ZFP64: variants seen among roughly 807,000 people sequenced by gnomAD.
The protein encoded by ZFP64 is zinc finger protein 64.
In ZFP64, 14 loss-of-function variants were observed where a neutral mutation model predicts 51.6. The observed-to-expected ratio is 0.27, with a 90% CI of 0.18 to 0.42. The LOEUF is 0.42. Ranked by LOEUF, ZFP64 falls within the 10% of genes least tolerant of loss-of-function variation. The pLI is 1.00. For missense variants in ZFP64, 754 were observed against 906.8 expected (o/e 0.83, Z 2.16); for synonymous variants, 375 against 361.4 (o/e 1.04, Z -0.43).
chr20:52,191,577 GGA>G lies in ZFP64; in HGVS notation c.46+12_46+13del. On this transcript the variant is annotated intron_variant, in intron 1 of 5. Coordinates refer to ENST00000216923, the MANE Select transcript of ZFP64 (RefSeq NM_018197.3). This position sits in a 1 kb window ranked among gnomAD's most constrained non-coding sequence, Gnocchi z 4.3. Reference sequence around the variant, plus strand: ...GGGCCCCGGAGCGCGCACTGCTCCCGGAAAAGCACTTACTTTGCACCGAGCCC... The same window carrying G: ...GGGCCCCGGAGCGCGCACTGCTCCCGAAAGCACTTACTTTGCACCGAGCCC... 6.4e-7 allele frequency: 1 copy of G among 1,574,134 alleles called. No homozygotes were observed. The highest frequency in any genetic ancestry group is 8.6e-7 in the Non-Finnish European group (1 of 1,164,174).
intron 5 of ZFP64, among the ~76,000 whole-genome samples, chr20:52,130,119 C>T (rs927821443): frequency 3.9e-5 from 6 of 152,140 alleles, no homozygotes; most frequent in Non-Finnish European, 8.8e-5. Flanking sequence ...TACTCTGACC[C>T]GCAGGCTCCT....
At chr20:52,158,940 G>A (rs898751352) in intron 5 of ZFP64, among the ~76,000 whole-genome samples, 2 of 152,318 alleles carry the variant, frequency 1.3e-5, no homozygotes, top group East Asian at 3.9e-4. Context: ...CCATCCTCAT[G>A]AGAAGGACAA....
rs945272611 is a variant in ZFP64, at chr20:52,122,434, A to G, written c.764-23847T>C. Among the ~76,000 whole-genome samples the G allele has an allele frequency of 6.1e-4, 87 of 141,538 alleles. 1 individual carries two copies. Among genetic ancestry groups the G allele is most frequent in the African/African-American group, 2.2e-3 (83 of 37,678 alleles). The allele number at this position is 141,538 out of a possible 152,430, so 92.9% of individuals were successfully genotyped here. A position where few individuals can be genotyped will look rare whatever the true frequency, so the allele number is the denominator to read the frequency against. ...GGCAGGAGAATGGCGTGAACCCGGG[A>G]GGTGGAGCTTGCAGTGAGCCGAGAT... On this transcript the variant is annotated intron_variant, in intron 5 of 8. Coordinates refer to the ZFP64 transcript ENST00000361387.
intron 2 of ZFP64, among the ~76,000 whole-genome samples, chr20:52,170,561 T>C (rs183264545): frequency 6.6e-5 from 10 of 152,350 alleles, no homozygotes; most frequent in African/African-American, 2.4e-4. Flanking sequence ...CCAAAGTAGA[T>C]GGCTATAGAC....
At position 52,152,338 on chromosome 20, in the gene ZFP64, G is replaced by GT; in HGVS notation, c.1853dup (p.Asn618LysfsTer78). 1 of 1,614,154 alleles carries GT rather than the reference G, an allele frequency of 6.2e-7. No homozygotes were observed. Among genetic ancestry groups the GT allele is most frequent in the Non-Finnish European group, 8.5e-7 (1 of 1,180,026 alleles). On this transcript the variant is annotated frameshift_variant, in exon 6 of 6. Coordinates refer to ENST00000216923, the MANE Select transcript of ZFP64 (RefSeq NM_018197.3). LOFTEE classifies it high-confidence loss of function. ...CTGCTGTCCCCTCCTGAATCAAGGC[G>GT]TTTAGGCCTTCAAAGTCAGTGCAAG...
chr20:52,119,576 A>AACACACACACACACATACATACATACAC (rs1979071827), intron 5 of ZFP64, among the ~76,000 whole-genome samples: 1 of 132,554 alleles, frequency 7.5e-6, no homozygotes, highest in Non-Finnish European at 1.6e-5. Flanking sequence ...ATACACACAC[A>AACACACACACACACATACATACATACAC]ACACACACAC....
At chr20:52,167,229 G>T (rs1353001882) in intron 2 of ZFP64, among the ~76,000 whole-genome samples, 1 of 152,004 alleles carries the variant, frequency 6.6e-6, no homozygotes, top group Non-Finnish European at 1.5e-5. Flanking sequence ...GGAGGCTGAG[G>T]CAAGAGAATT....
intron 2 of ZFP64, among the ~76,000 whole-genome samples, chr20:52,185,882 C>T (rs1983929359): frequency 6.6e-6 from 1 of 152,064 alleles, no homozygotes; most frequent in African/African-American, 2.4e-5. Context: ...TGTCCAGGCT[C>T]CACTTTGCAC....
chr20:52,099,550 T>C (rs1429714688), intron 5 of ZFP64, among the ~76,000 whole-genome samples: 3 of 152,214 alleles, frequency 2.0e-5, no homozygotes, highest in African/African-American at 7.2e-5. Context: ...CTGGAAAAGC[T>C]GAGATGGTAA....
chr20:52,099,930 G>A (rs931250024), intron 5 of ZFP64, among the ~76,000 whole-genome samples: 6 of 152,214 alleles, frequency 3.9e-5, no homozygotes, highest in Admixed American at 3.3e-4. Flanking sequence ...TTAAGTACTA[G>A]AAGATTCTGA....
At chr20:52,180,068 T>C (rs932429682) in intron 2 of ZFP64, among the ~76,000 whole-genome samples, 19 of 152,188 alleles carry the variant, frequency 1.2e-4, no homozygotes, top group African/African-American at 4.3e-4. Flanking sequence ...CCCACCACGG[T>C]CAGAGTGGCC....
intron 5 of ZFP64, among the ~76,000 whole-genome samples, chr20:52,100,952 G>A (rs567613603): frequency 3.3e-5 from 5 of 152,302 alleles, no homozygotes; most frequent in Admixed American, 2.0e-4. Flanking sequence ...AGTTGTGCTC[G>A]AAGCCCCTTA....
At chr20:52,139,949 C>CACT (rs1944961252) in intron 5 of ZFP64, among the ~76,000 whole-genome samples, 2 of 150,536 alleles carry the variant, frequency 1.3e-5, no homozygotes, top group African/African-American at 2.4e-5. Flanking sequence ...CTTGGGGTCT[C>CACT]TGTGTCATAT....
At chr20:52,132,397 C>CA (rs1979762627) in intron 5 of ZFP64, among the ~76,000 whole-genome samples, 2 of 149,812 alleles carry the variant, frequency 1.3e-5, no homozygotes, top group Non-Finnish European at 3.0e-5. Flanking sequence ...GAAATGAAAA[C>CA]ATAATACAAA....
At chr20:52,133,555 A>G (rs1301606613) in intron 5 of ZFP64, among the ~76,000 whole-genome samples, 1 of 152,244 alleles carries the variant, frequency 6.6e-6, no homozygotes, top group Non-Finnish European at 1.5e-5. Flanking sequence ...TAGCATTTCT[A>G]TACGCCAACA....
At chr20:52,146,576 T>C (rs1044140746), downstream of ZFP64, among the ~76,000 whole-genome samples, 8 of 98,586 alleles carry the variant, frequency 8.1e-5, no homozygotes, top group South Asian at 4.4e-4. Context: ...CTGGGGACTG[T>C]TGTGGGGTGG....
rs776878713 is a variant in ZFP64, at chr20:52,152,525, C to T, written c.1667G>A (p.Arg556Gln). Residue 556 changes from arginine to glutamine, a missense_variant, in exon 6 of 6, where the codon CGG becomes CAG. Arg to Gln is a conservative substitution (Grantham distance 43, BLOSUM62 1). Around this residue, in one of 3 missense-constraint regions of ZFP64, gnomAD observed 428 missense variants for 472.4 expected, o/e 0.91. Coordinates refer to ENST00000216923, the MANE Select transcript of ZFP64 (RefSeq NM_018197.3). ...VSLIAPPQSS[R>Q]CPSEAGAMTQ... ...CATTGCGCCCGCCTCGCTCGGACACCGCGAGGACTGAGGGGGGGCGATCAG... is the reference window on the plus strand; with the variant it reads ...CATTGCGCCCGCCTCGCTCGGACACTGCGAGGACTGAGGGGGGGCGATCAG... The T allele has an allele frequency of 1.3e-6, 2 of 1,597,934 alleles. No homozygotes were observed. Among genetic ancestry groups the T allele is most frequent in the Non-Finnish European group, 8.5e-7 (1 of 1,172,844 alleles).
intron 5 of ZFP64, among the ~76,000 whole-genome samples, chr20:52,125,577 T>G (rs1316793302): frequency 5.3e-5 from 8 of 152,208 alleles, no homozygotes; most frequent in Admixed American, 5.2e-4. Flanking sequence ...TGGTCTTGGG[T>G]GGCAGCAGCT....
chr20:52,088,266 C>T (rs1341093356), intron 8 of ZFP64: 1 of 1,424,402 alleles, frequency 7.0e-7, no homozygotes, highest in African/African-American at 1.4e-5. Context: ...ACAATTATCA[C>T]AGAAGTTCCA....
Sources: gnomAD v4.1 joint callset for allele counts (sites outside exome capture counted in the v4.1 genomes callset) on GRCh38, gnomAD v4.1.1 for gene constraint, gnomAD v4.1.1 regional missense constraint, Gnocchi (gnomAD v3.1) non-coding constraint, MANE v1.5 for transcripts, NCBI Gene and HGNC (gene_info 2026-07-23, HGNC 2026-07-21) for gene names.